The following PIAS2 variants were observed in gnomAD, a reference collection of about 807,000 sequenced individuals.
PIAS2 encodes the protein E3 SUMO-protein ligase PIAS2.
Under a neutral mutation model 69.7 loss-of-function variants are expected in PIAS2, and 19 were observed. The observed-to-expected ratio is 0.27, with a 90% CI of 0.19 to 0.40. The LOEUF is 0.40. Among genes scored for constraint, PIAS2 ranks in the 10% least tolerant of loss-of-function variants. PIAS2 has a pLI of 1.00. For missense variants in PIAS2, 624 were observed against 757.0 expected (o/e 0.82, Z 2.06); for synonymous variants, 261 against 263.2 (o/e 0.99, Z 0.08).
At chr18:46,917,567 G>A (rs1310179486), upstream of PIAS2, 21 of 1,092,202 alleles carry the variant, frequency 1.9e-5, no homozygotes, top group African/African-American at 8.4e-5. Context: ...GGTGCCCCCT[G>A]CCCACCCGCG....
At chr18:46,834,474 G>A (rs2044142759) in intron 9 of PIAS2, among the ~76,000 whole-genome samples, 1 of 152,118 alleles carries the variant, frequency 6.6e-6, no homozygotes, top group East Asian at 1.9e-4. Context: ...AATATTAAGA[G>A]GCAATTTGTA....
At chr18:46,849,950 T>A (rs764274634) in intron 5 of PIAS2, among the ~76,000 whole-genome samples, 17 of 152,106 alleles carry the variant, frequency 1.1e-4, no homozygotes, top group Non-Finnish European at 2.5e-4. Context: ...TTAACATGCA[T>A]CTCTAATAAG....
intron 1 of PIAS2, chr18:46,914,913 T>A (rs1031180532): frequency 6.6e-6 from 1 of 152,198 alleles, no homozygotes; most frequent in African/African-American, 2.4e-5. Flanking sequence ...AGGACCATCA[T>A]TTTGAGAATC....
Position 46,810,027 on chromosome 18 carries a change from T to C in PIAS2, c.*2406A>G, listed in dbSNP as rs2040898466. ...TAAGGCCAAAGTCATAAAGTACTAA[T>C]GCTCAAGACAGATAAACAACGTAAG... On this transcript the variant is annotated 3_prime_UTR_variant, in exon 14 of 14. Transcript: ENST00000585916. The C allele has an allele frequency of 6.6e-6, 1 of 152,130 alleles. No individual in the cohort carries two copies. Among genetic ancestry groups the C allele is most frequent in the South Asian group, 2.1e-4 (1 of 4,826 alleles). The allele number at this position is 152,130 out of a possible 1,614,324, so 9.4% of individuals were successfully genotyped here. A position where few individuals can be genotyped will look rare whatever the true frequency, so the allele number is the denominator to read the frequency against.
intron 9 of PIAS2, among the ~76,000 whole-genome samples, chr18:46,830,311 A>C (rs543049685): frequency 6.6e-6 from 1 of 152,288 alleles, no homozygotes; most frequent in South Asian, 2.1e-4. Context: ...AAGAAGTCTC[A>C]ATAAATTTAA....
In PIAS2 at chr18:46,902,582, A is replaced by G. The variant is rs997217572; in HGVS notation, c.25-11528T>C. On this transcript the variant is annotated intron_variant, in intron 1 of 13. Transcript: ENST00000585916. ...TCTCAAAAAAAAAAGAGAAAAGAAA[A>G]CCTAAACAAATAAATTCTTCACGGA... Among the ~76,000 whole-genome samples the G allele has an allele frequency of 8.5e-5, 13 of 152,216 alleles. No individual in the cohort carries two copies. In the East Asian group the frequency reaches 2.5e-3, roughly 29 times the overall value.
intron 12 of PIAS2, chr18:46,815,947 G>A (rs1241947544): frequency 2.0e-6 from 2 of 985,262 alleles, no homozygotes; most frequent in Non-Finnish European, 2.4e-6. Context: ...CCAGAGAACT[G>A]TAATTGTCCA....
intron 1 of PIAS2, among the ~76,000 whole-genome samples, chr18:46,909,924 T>C (rs561368799): frequency 6.6e-6 from 1 of 152,244 alleles, no homozygotes; most frequent in African/African-American, 2.4e-5. Flanking sequence ...CCCAGCACTT[T>C]GGGAGGCCAA....
chr18:46,828,059 T>A lies in PIAS2; in HGVS notation c.1408A>T (p.Ile470Phe). The A allele has an allele frequency of 6.2e-7, 1 of 1,613,862 alleles. No homozygotes were observed. The highest frequency in any genetic ancestry group is 8.5e-7 in the Non-Finnish European group (1 of 1,179,828). The change falls in exon 11 of 14, where the codon ATT (isoleucine) becomes TTT (phenylalanine). Residue 470 changes from isoleucine (I) to phenylalanine (F), a missense_variant. By Grantham distance (21) the Ile-to-Phe change is conservative. Around this residue, in one of 3 missense-constraint regions of PIAS2, gnomAD observed 241 missense variants for 257.3 expected, o/e 0.94. Coordinates refer to ENST00000585916, the MANE Select transcript of PIAS2 (RefSeq NM_004671.5). ...SEASKKKVDVIDLTIESSSDE... is the reference protein window; with the variant it reads ...SEASKKKVDVFDLTIESSSDE... The stretch of plus-strand genomic sequence containing the variant: ...GAAGAGCTTTCTATTGTAAGATCAA[T>A]AACATCTACTTTCTTCTTGCTTGCC...
intron 11 of PIAS2, chr18:46,827,205 T>C (rs2042951407): frequency 6.6e-6 from 1 of 152,198 alleles, no homozygotes. Flanking sequence ...TTTGAAAGAA[T>C]GTGTTCGTAG....
intron 3 of PIAS2, among the ~76,000 whole-genome samples, chr18:46,863,165 G>T (rs1344907517): frequency 1.3e-5 from 2 of 151,944 alleles, no homozygotes; most frequent in African/African-American, 2.4e-5. Flanking sequence ...TGACTATACA[G>T]CTCACTTTAC....
rs932372490 is a variant in PIAS2 at position 46,836,632 on chromosome 18, T to C, written c.1042-115A>G. Reference sequence around the variant, plus strand: ...ATACAAGAAGATGATAAAAATGAAATAGAAATCCAAATCAGAATGTATTCC... The same window carrying C: ...ATACAAGAAGATGATAAAAATGAAACAGAAATCCAAATCAGAATGTATTCC... On this transcript the variant is annotated intron_variant, in intron 8 of 13. Transcript: ENST00000585916. 7.3e-6 allele frequency: 5 copies of C among 689,464 alleles called. No homozygotes were observed. In the East Asian group the frequency reaches 7.8e-5, roughly 11 times the overall value. The allele number at this position is 689,464 out of a possible 1,614,324, so 42.7% of individuals were successfully genotyped here.
chr18:46,823,207 T>C (rs2042381025), intron 11 of PIAS2, among the ~76,000 whole-genome samples: 1 of 151,602 alleles, frequency 6.6e-6, no homozygotes, highest in Non-Finnish European at 1.5e-5. Context: ...CACTCTAGCC[T>C]AGACAACAAA....
intron 2 of PIAS2, among the ~76,000 whole-genome samples, chr18:46,880,658 T>C (rs2052084419): frequency 6.6e-6 from 1 of 152,190 alleles, no homozygotes; most frequent in Non-Finnish European, 1.5e-5. Context: ...CAAAAATAAA[T>C]AGGGGCTGAC....
rs994855648 is a variant in PIAS2, at chr18:46,809,015, G to A, written c.*3418C>T. 18 of 152,210 alleles carry A rather than the reference G, an allele frequency of 1.2e-4. No individual in the cohort carries two copies. Among genetic ancestry groups the A allele is most frequent in the Admixed American group, 1.2e-3 (18 of 15,284 alleles). The allele number at this position is 152,210 out of a possible 1,614,324, so 9.4% of individuals were successfully genotyped here. ...CTGAGTGTCTTGGACTGGTCTGAAG[G>A]AAGAACATCTGAAAGGTCTGAATGT... On this transcript the variant is annotated 3_prime_UTR_variant, in exon 14 of 14. Transcript: ENST00000585916.
intron 9 of PIAS2, among the ~76,000 whole-genome samples, chr18:46,832,892 C>CAAAAAAAAAAAAAAAAA (rs34958166): frequency 2.7e-4 from 29 of 105,970 alleles, no homozygotes; most frequent in East Asian, 1.2e-3. Flanking sequence ...CCTCTGTCTC[C>CAAAAAAAAAAAAAAAAA]AAAAAAAAAA....
rs10070 is a variant in PIAS2, at chr18:46,808,936, G to A, written c.*3497C>T. The stretch of plus-strand genomic sequence containing the variant: ...GACTTTACTTAAAATACAAACAAAC[G>A]TCAACTAATGAATACTTTATTGGCA... On this transcript the variant is annotated 3_prime_UTR_variant, in exon 14 of 14. Transcript: ENST00000585916. 0.43 allele frequency: 64,616 copies of A among 149,730 alleles called. 13,879 individuals carry two copies. The highest frequency in any genetic ancestry group is 0.52 in the Middle Eastern group (148 of 282). 9.3% of individuals were successfully genotyped at this position (149,730 alleles called of 1,614,324 possible). A position where few individuals can be genotyped will look rare whatever the true frequency, so the allele number is the denominator to read the frequency against.
At position 46,812,306 on chromosome 18, in the gene PIAS2, A is replaced by C. The variant is rs2144693877; in HGVS notation, c.*127T>G. The C allele has an allele frequency of 1.7e-6, 1 of 604,240 alleles. No individual in the cohort carries two copies. Among genetic ancestry groups the C allele is most frequent in the African/African-American group, 1.9e-5 (1 of 54,010 alleles). 37.4% of individuals were successfully genotyped at this position (604,240 alleles called of 1,614,324 possible). A position where few individuals can be genotyped will look rare whatever the true frequency, so the allele number is the denominator to read the frequency against. On this transcript the variant is annotated 3_prime_UTR_variant, in exon 14 of 14. Transcript: ENST00000585916. ...CTGTGTTCACCCCTCAGAAAGCAAA[A>C]GAATCCATCTGACTTTCAATAAATA...
At chr18:46,910,046 C>T (rs896597918) in intron 1 of PIAS2, among the ~76,000 whole-genome samples, 1 of 152,078 alleles carries the variant, frequency 6.6e-6, no homozygotes, top group African/African-American at 2.4e-5. Context: ...ATCCCGGCTA[C>T]TCGGGAGGCT....
Sources: allele counts gnomAD v4.1 joint callset (sites outside exome capture counted in the v4.1 genomes callset), GRCh38; gene constraint gnomAD v4.1.1; regional missense constraint gnomAD v4.1.1; transcripts MANE v1.5; gene names NCBI Gene and HGNC (gene_info 2026-07-23, HGNC 2026-07-21).